The following IL1RAPL2 variants were observed in gnomAD, a reference collection of about 807,000 sequenced individuals.
IL1RAPL2 encodes interleukin 1 receptor accessory protein like 2, also known as X-linked interleukin-1 receptor accessory protein-like 2.
Under a neutral mutation model 44.1 loss-of-function variants are expected in IL1RAPL2, and 3 were observed. The ratio of observed to expected loss-of-function variants is 0.07; its 90% CI spans 0.03 to 0.18. IL1RAPL2 has a LOEUF of 0.18. Ranked by LOEUF, IL1RAPL2 falls within the 10% of genes least tolerant of loss-of-function variation. IL1RAPL2 has a pLI of 1.00. For synonymous variants in IL1RAPL2, 181 were observed against 178.8 expected (o/e 1.01, Z -0.10); for missense variants, 391 against 496.4 (o/e 0.79, Z 2.02).
At chrX:105,579,509 T>C (rs973227071) in intron 6 of IL1RAPL2, among the ~76,000 whole-genome samples, 1 of 111,771 alleles carries the variant, frequency 8.9e-6, no homozygotes, top group Non-Finnish European at 1.9e-5. Flanking sequence ...ACTAAATTTA[T>C]TGTTGTTATT....
chrX:105,589,122 T>G (rs1220680927), intron 6 of IL1RAPL2, among the ~76,000 whole-genome samples: 1 of 112,376 alleles, frequency 8.9e-6, no homozygotes, highest in Non-Finnish European at 1.9e-5. Flanking sequence ...TTGATTTGCA[T>G]TTCTCTAATT....
intron 2 of IL1RAPL2, among the ~76,000 whole-genome samples, chrX:104,922,465 A>G (rs1321847949): frequency 8.9e-6 from 1 of 112,558 alleles, no homozygotes; most frequent in Non-Finnish European, 1.9e-5. Flanking sequence ...CCACCTCTCC[A>G]TCTCTGTTGG....
intron 2 of IL1RAPL2, among the ~76,000 whole-genome samples, chrX:104,731,689 C>T (rs963236773): frequency 5.4e-5 from 6 of 111,653 alleles, no homozygotes; most frequent in Non-Finnish European, 1.1e-4. Flanking sequence ...AGGTGTGGGC[C>T]TTTAAAGGCG....
At chrX:105,536,400 A>G (rs2036677341) in intron 6 of IL1RAPL2, among the ~76,000 whole-genome samples, 1 of 103,386 alleles carries the variant, frequency 9.7e-6, no homozygotes, top group African/African-American at 3.6e-5. Context: ...TCTTGAAGTT[A>G]TTAATGTTAA....
intron 1 of IL1RAPL2, among the ~76,000 whole-genome samples, chrX:104,601,752 G>A (rs1327124347): frequency 8.9e-6 from 1 of 111,950 alleles, no homozygotes; most frequent in Non-Finnish European, 1.9e-5. Flanking sequence ...AGAAACAACA[G>A]GTTGCAGAGA....
chrX:105,321,201 C>T (rs2034894959), intron 5 of IL1RAPL2, among the ~76,000 whole-genome samples: 1 of 111,401 alleles, frequency 9.0e-6, no homozygotes, highest in African/African-American at 3.3e-5. Context: ...ATAACAAGCA[C>T]CCTTGGTGAT....
At chrX:104,680,233 C>T (rs1008775032) in intron 2 of IL1RAPL2, among the ~76,000 whole-genome samples, 2 of 111,600 alleles carry the variant, frequency 1.8e-5, no homozygotes, top group African/African-American at 3.3e-5. Context: ...TTGTGAACTC[C>T]TATTAATGGG....
At chrX:105,607,453 G>T (rs1293063854) in intron 6 of IL1RAPL2, among the ~76,000 whole-genome samples, 1 of 106,246 alleles carries the variant, frequency 9.4e-6, no homozygotes, top group Non-Finnish European at 1.9e-5. Context: ...ATGTATATAT[G>T]TGTCTGTTTT....
chrX:104,571,099 T>C (rs1425481172), intron 1 of IL1RAPL2, among the ~76,000 whole-genome samples: 2 of 111,507 alleles, frequency 1.8e-5, no homozygotes, highest in African/African-American at 3.3e-5. Flanking sequence ...GTCTCTAGAA[T>C]AGGTTTTCTC....
chrX:105,243,839 AC>A (rs2147642804), intron 4 of IL1RAPL2, among the ~76,000 whole-genome samples: 1 of 110,344 alleles, frequency 9.1e-6, no homozygotes, highest in South Asian at 3.8e-4. Context: ...TGAGGGCCTA[AC>A]TTTTATAAAC....
intron 5 of IL1RAPL2, among the ~76,000 whole-genome samples, chrX:105,348,771 G>A (rs769551251): frequency 3.6e-5 from 4 of 111,763 alleles, no homozygotes; most frequent in Admixed American, 9.5e-5. Flanking sequence ...ATATAGCAGG[G>A]AAGGAGTGCA....
At chrX:105,076,522 G>T in intron 2 of IL1RAPL2, among the ~76,000 whole-genome samples, 1 of 111,515 alleles carries the variant, frequency 9.0e-6, no homozygotes, top group Non-Finnish European at 1.9e-5. Context: ...ATATTCTGTT[G>T]ATTTGGGGTG....
intron 6 of IL1RAPL2, among the ~76,000 whole-genome samples, chrX:105,685,530 C>A (rs1157532804): frequency 9.0e-6 from 1 of 111,405 alleles, no homozygotes; most frequent in African/African-American, 3.3e-5. Flanking sequence ...TGAACAAAAC[C>A]TCCAAGAAAT....
chrX:105,648,505 C>T (rs774984606), intron 6 of IL1RAPL2, among the ~76,000 whole-genome samples: 1 of 111,484 alleles, frequency 9.0e-6, no homozygotes, highest in South Asian at 3.8e-4. Context: ...AATGGATATG[C>T]TTAACTACCC....
chrX:104,823,771 C>T (rs755712079), intron 2 of IL1RAPL2, among the ~76,000 whole-genome samples: 1 of 111,996 alleles, frequency 8.9e-6, no homozygotes, highest in African/African-American at 3.2e-5. Flanking sequence ...TGCTAGTCAG[C>T]TTAAGGATTT....
At position 105,243,547 on chromosome X, in the gene IL1RAPL2, G is replaced by GTA. The variant is rs1280916021; in HGVS notation, c.543+9557_543+9558dup. Among the ~76,000 whole-genome samples, 420 of 68,929 alleles carry GTA rather than the reference G, an allele frequency of 6.1e-3. 1 individual carries two copies. Among genetic ancestry groups the GTA allele is most frequent in the South Asian group, 0.055 (89 of 1,629 alleles). The allele number at this position is 68,929 out of a possible 115,157, so 59.9% of individuals were successfully genotyped here. ...ATGGAGATTTCATATATATATGTGTGTATATATATATATATGTGTGTATAT... is the reference window on the plus strand; with the variant it reads ...ATGGAGATTTCATATATATATGTGTGTATATATATATATATATGTGTGTATAT... On this transcript the variant is annotated intron_variant, in intron 4 of 10. Transcript: ENST00000372582.
At chrX:104,650,333 A>G (rs748256116) in intron 1 of IL1RAPL2, among the ~76,000 whole-genome samples, 5 of 111,957 alleles carry the variant, frequency 4.5e-5, no homozygotes, top group Admixed American at 9.5e-5. Flanking sequence ...TTGTAAAATC[A>G]CCAACAGGAA....
intron 2 of IL1RAPL2, among the ~76,000 whole-genome samples, chrX:105,037,350 A>G (rs926490090): frequency 9.0e-6 from 1 of 111,244 alleles, no homozygotes; most frequent in Admixed American, 9.6e-5. Flanking sequence ...GGGCCTCAAC[A>G]GAGTGAAGTA....
chrX:105,745,838 T>G (rs1409590949), intron 8 of IL1RAPL2, among the ~76,000 whole-genome samples: 1 of 110,597 alleles, frequency 9.0e-6, no homozygotes, highest in Non-Finnish European at 1.9e-5. Context: ...CACACCACCA[T>G]GCCCGACTAA....
Sources: allele counts gnomAD v4.1 joint callset (sites outside exome capture counted in the v4.1 genomes callset), GRCh38; gene constraint gnomAD v4.1.1; transcripts MANE v1.5; gene names NCBI Gene and HGNC (gene_info 2026-07-23, HGNC 2026-07-21).